Variants in MYO19 observed in about 807,000 individuals in gnomAD.
MYO19 encodes myosin XIX.
In MYO19, 132 loss-of-function variants were observed where a neutral mutation model predicts 129.2. The ratio of observed to expected loss-of-function variants is 1.02; its 90% CI spans 0.89 to 1.18. MYO19 has a LOEUF of 1.18. Ranked by LOEUF, MYO19 falls within the 50% of genes most tolerant of loss-of-function variation. The pLI, the probability that MYO19 is intolerant of heterozygous loss-of-function variation, is 0.00. For synonymous variants in MYO19, 531 were observed against 477.2 expected, an observed-to-expected ratio of 1.11 and a Z score of -1.47; for missense variants, 1,210 against 1,216.7, an observed-to-expected ratio of 0.99 and a Z score of 0.08.
chr17:36,506,514 T>C lies in MYO19; in HGVS notation c.1739A>G (p.Gln580Arg), dbSNP rs1599259208. 3 of 1,608,028 alleles carry C rather than the reference T, an allele frequency of 1.9e-6. No homozygotes were observed. Among genetic ancestry groups the C allele is most frequent in the African/African-American group, 1.3e-5 (1 of 74,464 alleles). Reference sequence around the variant, plus strand: ...CCTGCTCTGGCCAGGGGGTTCCTCCTGGGTCTTCTCTTTGGGGTTAGTAGG... The same window carrying C: ...CCTGCTCTGGCCAGGGGGTTCCTCCCGGGTCTTCTCTTTGGGGTTAGTAGG... ...LFPTNPKEKT[Q>R]EEPPGQSRAP... The change falls in exon 18 of 26, where the codon CAG becomes CGG. Residue 580 changes from glutamine (Q) to arginine (R), a missense_variant. Gln to Arg is a conservative substitution (Grantham distance 43). Coordinates refer to ENST00000614623, the MANE Select transcript of MYO19 (RefSeq NM_001163735.2).
chr17:36,513,795 T>C, intron 9 of MYO19, 70 bp from the exon 10 acceptor site: 3 of 1,389,396 alleles, frequency 2.2e-6, no homozygotes, highest in Non-Finnish European at 3.0e-6. Context: ...TAGGCAGGCA[T>C]GGGGTTGGGA....
chr17:36,521,554 CA>C lies in MYO19; in HGVS notation c.414+3673del, dbSNP rs2073130810. ...GGGGAGGAAATTATTAGATATAACA[CA>C]AAAATACTTTCCTGAACAAAAGGAC... On this transcript the variant is annotated intron_variant, in intron 6 of 25. Transcript: ENST00000614623. Among the ~76,000 whole-genome samples the C allele has an allele frequency of 3.3e-5, 5 of 152,216 alleles. No homozygotes were observed. The East Asian group carries it at 9.6e-4, about 29-fold the overall frequency.
chr17:36,509,906 C>T (rs149577142), intron 13 of MYO19: 1 of 152,188 alleles, frequency 6.6e-6, no homozygotes, highest in Non-Finnish European at 1.5e-5. Context: ...AAATTGTGAC[C>T]TGAAATTAGC....
chr17:36,542,005 T>G (rs942728561), intron 2 of MYO19: 1 of 152,208 alleles, frequency 6.6e-6, no homozygotes, highest in African/African-American at 2.4e-5. Flanking sequence ...TGTATTATAT[T>G]GTATGGTATT....
chr17:36,542,660 C>A (rs569703810), intron 1 of MYO19, among the ~76,000 whole-genome samples: 5 of 150,990 alleles, frequency 3.3e-5, no homozygotes, highest in Admixed American at 3.3e-4. Context: ...GATAGCGCCA[C>A]TGCACTCCAG....
At chr17:36,513,279 C>G in intron 11 of MYO19, 150 bp downstream of exon 11, 1 of 1,515,588 alleles carries the variant, frequency 6.6e-7, no homozygotes, top group Non-Finnish European at 8.8e-7. Flanking sequence ...CTCAGCAGAA[C>G]AGAGGTGACT....
intron 18 of MYO19, 146 bp from the exon 19 acceptor site, chr17:36,505,550 TGCAGGCTCTCAACGA>T: frequency 3.2e-6 from 2 of 625,048 alleles, no homozygotes; most frequent in Non-Finnish European, 5.7e-6. Context: ...GGATGACTGC[TGCAGGCTCTCAACGA>T]GCAGGCTCAG....
intron 14 of MYO19, 111 bp from the exon 15 acceptor site, chr17:36,508,035 C>G (rs1357199766): frequency 8.2e-7 from 1 of 1,223,812 alleles, no homozygotes; most frequent in South Asian, 1.7e-5. Flanking sequence ...ACTTGGCAGC[C>G]TGGGCATCAG....
chr17:36,540,611 T>C (rs1276818579), intron 2 of MYO19, among the ~76,000 whole-genome samples: 1 of 152,158 alleles, frequency 6.6e-6, no homozygotes, highest in Non-Finnish European at 1.5e-5. Context: ...CCTCAAGTGA[T>C]CCGCCCACCT....
In MYO19 at chr17:36,498,343, T is replaced by C. The variant is rs771513605; in HGVS notation, c.2680A>G (p.Arg894Gly). The change falls in exon 25 of 26, where the codon AGG becomes GGG. Residue 894 changes from arginine to glycine, a missense_variant. By Grantham distance (125) the Arg-to-Gly change is moderately radical. Transcript: ENST00000614623. ...ACAGTGTAGCTACTGGGGCTGCCCC[T>C]GGGGAGCTGGAGGCAAGCCCAGACC... ...LVVWACLQLP[R>G]GSPSSYTVQT... is the part of the protein sequence containing the mutation. 6.2e-7 allele frequency: 1 copy of C among 1,614,010 alleles called. No individual in the cohort carries two copies. Among genetic ancestry groups the C allele is most frequent in the Non-Finnish European group, 8.5e-7 (1 of 1,179,896 alleles).
chr17:36,522,026 TTTAAAAAAAA>T (rs1454767512), intron 6 of MYO19, among the ~76,000 whole-genome samples: 3 of 38,514 alleles, frequency 7.8e-5, no homozygotes, highest in Non-Finnish European at 1.8e-4. Context: ...CAAGACTGTC[TTTAAAAAAAA>T]AAAAAAAAAA....
chr17:36,536,644 A>T (rs2074136930), upstream of MYO19, among the ~76,000 whole-genome samples: 1 of 149,176 alleles, frequency 6.7e-6, no homozygotes, highest in Non-Finnish European at 1.5e-5. Flanking sequence ...CCTCTAAAGT[A>T]GCTGGGATTA....
intron 6 of MYO19, among the ~76,000 whole-genome samples, chr17:36,522,025 CT>C (rs200565582): frequency 0.021 from 2,517 of 117,428 alleles, 118 homozygotes; most frequent in African/African-American, 0.079. Flanking sequence ...GCAAGACTGT[CT>C]TTAAAAAAAA....
At chr17:36,514,245 C>T (rs545296629) in intron 9 of MYO19, among the ~76,000 whole-genome samples, 2 of 152,290 alleles carry the variant, frequency 1.3e-5, no homozygotes, top group East Asian at 3.9e-4. Flanking sequence ...AAAACATACT[C>T]CCAGGCCACA....
chr17:36,515,390 G>T (rs1013584457), intron 7 of MYO19, among the ~76,000 whole-genome samples: 4 of 152,100 alleles, frequency 2.6e-5, no homozygotes, highest in Non-Finnish European at 4.4e-5. Context: ...AGAAATTCCT[G>T]GCAAGAAATT....
chr17:36,527,816 C>T (rs1175880560), intron 4 of MYO19, 117 bp from the exon 5 acceptor site: 19 of 1,174,266 alleles, frequency 1.6e-5, no homozygotes, highest in Non-Finnish European at 2.2e-5. Flanking sequence ...ATCATTAAAT[C>T]CCAGCAGCTC....
rs56919948 is a variant in MYO19, at chr17:36,500,857, A to G, written c.2350T>C (p.Trp784Arg). The G allele has an allele frequency of 9.1e-4, 1,465 of 1,602,948 alleles. 15 individuals are homozygous for G. In the African/African-American group the frequency reaches 0.017, roughly 19 times the overall value. The change falls in exon 23 of 26, where the codon TGG becomes CGG. Residue 784 changes from tryptophan (W) to arginine (R), a missense_variant. By Grantham distance (101) the Trp-to-Arg change is moderately radical. Transcript: ENST00000614623. Reference protein sequence around the residue: ...RHRHREQERQWRAVMLIQAAI... With the variant: ...RHRHREQERQRRAVMLIQAAI... ...GCCTGGATGAGCATGACGGCCCGCC[A>G]CTGCCGCTCCTGCTCTCGGTGCCGG...
intron 25 of MYO19, among the ~76,000 whole-genome samples, chr17:36,496,747 G>GT (rs1412677248): frequency 6.6e-6 from 1 of 152,126 alleles, no homozygotes; most frequent in Non-Finnish European, 1.5e-5. Flanking sequence ...GAAATTTGGT[G>GT]TTTCCTTCTG....
In MYO19 at chr17:36,501,254, C is replaced by T. The variant is rs1229820732; in HGVS notation, c.2081-19G>A. ...CACCATTCTGGGGGAGGGAGATGGC[C>T]CCATCAGTGCATGGTCATCTCTACA... On this transcript the variant is annotated intron_variant, in intron 21 of 25. Transcript: ENST00000614623. 2 of 1,599,478 alleles carry T rather than the reference C, an allele frequency of 1.3e-6. No homozygotes were observed. Among genetic ancestry groups the T allele is most frequent in the African/African-American group, 1.3e-5 (1 of 74,850 alleles).
Sources: allele counts gnomAD v4.1 joint callset (sites outside exome capture counted in the v4.1 genomes callset), GRCh38; gene constraint gnomAD v4.1.1; transcripts MANE v1.5; gene names NCBI Gene and HGNC (gene_info 2026-07-23, HGNC 2026-07-21).